The following RASA3 variants were observed in gnomAD, a reference collection of about 807,000 sequenced individuals.
RASA3 encodes ras GTPase-activating protein 3.
RASA3 carries 73 observed loss-of-function variants against 110.0 expected under a neutral mutation model. That is an observed-to-expected ratio of 0.66 (90% confidence interval 0.55 to 0.81). The LOEUF is 0.81. Among genes scored for constraint, RASA3 ranks in the 30% least tolerant of loss-of-function variants. The pLI is 0.00. For missense variants in RASA3, 976 were observed against 1,113.2 expected (o/e 0.88, Z 1.75); for synonymous variants, 500 against 451.4 (o/e 1.11, Z -1.37).
intron 5 of RASA3, among the ~76,000 whole-genome samples, 167 bp downstream of exon 5, chr13:114,029,644 C>T (rs865947033): frequency 1.2e-3 from 109 of 92,704 alleles, no homozygotes; most frequent in South Asian, 1.2e-3. Context: ...GGCCAGGACC[C>T]CTAAAACAGC....
At chr13:114,027,583 T>A (rs914136581) in intron 6 of RASA3, 122 bp from the exon 7 acceptor site, 2 of 823,496 alleles carry the variant, frequency 2.4e-6, no homozygotes, top group Non-Finnish European at 3.9e-6. Flanking sequence ...TTATAAATAT[T>A]TCTGCTGGTC....
chr13:114,052,828 C>G (rs9590536), intron 2 of RASA3, among the ~76,000 whole-genome samples: 5,044 of 118,710 alleles, frequency 0.042, 213 homozygotes, highest in Non-Finnish European at 0.06. Context: ...GGGAGAAATC[C>G]CCACTGCTGA....
Position 113,999,642 on chromosome 13 carries a change from G to A in RASA3, c.1875C>T (p.Pro625=), listed in dbSNP as rs780826523. The A allele has an allele frequency of 1.9e-6, 3 of 1,613,178 alleles. No individual in the cohort carries two copies. Among genetic ancestry groups the A allele is most frequent in the African/African-American group, 2.7e-5 (2 of 74,614 alleles). Residue 625 remains proline (P), a synonymous_variant, in exon 20 of 24, where the codon CCC becomes CCT. Transcript: ENST00000334062. Reference sequence around the variant, plus strand: ...TCTCCACTGCCAGGATGTTCTCGATGGGAATGCTGTAGAGAGGCTGGTCCC... The same window carrying A: ...TCTCCACTGCCAGGATGTTCTCGATAGGAATGCTGTAGAGAGGCTGGTCCC... The part of the protein sequence containing the change: ...SKGDQPLYSI[P]IENILAVEKL...
intron 2 of RASA3, among the ~76,000 whole-genome samples, chr13:114,064,892 G>C (rs1247897605): frequency 6.6e-6 from 1 of 152,216 alleles, no homozygotes; most frequent in Admixed American, 6.5e-5. Context: ...CGGCCTGAGA[G>C]GACCAGGCTC....
In RASA3 at chr13:114,015,273, G is replaced by A. The variant is rs770440191; in HGVS notation, c.1341C>T (p.Ser447=). 2 of 1,613,208 alleles carry A rather than the reference G, an allele frequency of 1.2e-6. No homozygotes were observed. The highest frequency in any genetic ancestry group is 2.2e-5 in the South Asian group (2 of 91,086). The change falls in exon 14 of 24, where the codon AGC becomes AGT. Residue 447 remains serine (S), a synonymous_variant. Transcript: ENST00000334062. ...VFHAITESGV[S]CPTVMCDIFF... The stretch of plus-strand genomic sequence containing the variant: ...AGATGTCACACATGACGGTCGGGCA[G>A]CTCACCCCAGACTCAGTGATGGCGT...
intron 21 of RASA3, among the ~76,000 whole-genome samples, chr13:113,995,764 C>T (rs181020878): frequency 0.02 from 393 of 19,528 alleles, 56 homozygotes; most frequent in African/African-American, 0.065. Flanking sequence ...GACGGGGGCC[C>T]GGCTGACGGG....
intron 1 of RASA3, among the ~76,000 whole-genome samples, chr13:114,127,304 G>C (rs933619259): frequency 1.3e-5 from 2 of 152,174 alleles, no homozygotes; most frequent in African/African-American, 2.4e-5. Flanking sequence ...TCCACACTCT[G>C]CCCACCAGTC....
chr13:114,091,505 C>T (rs1170462273), intron 1 of RASA3, among the ~76,000 whole-genome samples: 15 of 150,046 alleles, frequency 1.0e-4, no homozygotes, highest in Admixed American at 5.4e-4. Flanking sequence ...TCCATGTGAC[C>T]GATCACATTT....
chr13:113,999,519 G>T, intron 20 of RASA3, 66 bp downstream of exon 20: 1 of 1,325,314 alleles, frequency 7.5e-7, no homozygotes, highest in Non-Finnish European at 1.1e-6. Context: ...CCAGGTACGG[G>T]AAGAGAGCAG....
At chr13:114,075,951 G>C (rs1478058078) in intron 1 of RASA3, among the ~76,000 whole-genome samples, 3 of 112,752 alleles carry the variant, frequency 2.7e-5, no homozygotes, top group Admixed American at 9.0e-5. Flanking sequence ...TCGGCGCCGC[G>C]TATCTCTGGG....
At chr13:114,066,655 G>A (rs929092173) in intron 2 of RASA3, among the ~76,000 whole-genome samples, 16 of 152,356 alleles carry the variant, frequency 1.1e-4, no homozygotes, top group African/African-American at 3.8e-4. Flanking sequence ...GCAACCTCAT[G>A]CTCTCCGCCG....
chr13:114,042,778 G>C (rs548899944), intron 3 of RASA3, among the ~76,000 whole-genome samples: 9 of 152,324 alleles, frequency 5.9e-5, no homozygotes, highest in African/African-American at 2.2e-4. Context: ...CACATGCTTG[G>C]GCCTGATTCT....
At chr13:114,108,516 CAT>C (rs2080172317) in intron 1 of RASA3, 1 of 147,500 alleles carries the variant, frequency 6.8e-6, no homozygotes, top group Non-Finnish European at 1.5e-5. Context: ...TCCATCACCC[CAT>C]GTCCATCACC....
chr13:114,064,519 G>A (rs149084497), intron 2 of RASA3, among the ~76,000 whole-genome samples: 238 of 152,282 alleles, frequency 1.6e-3, no homozygotes, highest in East Asian at 4.7e-3. Context: ...CATGGTGGGG[G>A]CACCCATTTT....
Position 114,114,002 on chromosome 13 carries a change from C to A in RASA3, c.55+18433G>T, listed in dbSNP as rs2080248114. Reference sequence around the variant, plus strand: ...GCGAGTGATGTCCGTACAGCTCACACCGCGTCCATCAGTCCACCCACCATG... The same window carrying A: ...GCGAGTGATGTCCGTACAGCTCACAACGCGTCCATCAGTCCACCCACCATG... On this transcript the variant is annotated intron_variant, in intron 1 of 23. Transcript: ENST00000334062. This position sits in a 1 kb window ranked among gnomAD's most constrained non-coding sequence, Gnocchi z 4.8. Among the ~76,000 whole-genome samples the A allele has an allele frequency of 6.8e-6, 1 of 147,900 alleles. No individual in the cohort carries two copies. Among genetic ancestry groups the A allele is most frequent in the Non-Finnish European group, 1.5e-5 (1 of 67,104 alleles).
intron 1 of RASA3, among the ~76,000 whole-genome samples, chr13:114,106,851 G>A (rs1352239339): frequency 1.3e-5 from 2 of 152,214 alleles, no homozygotes; most frequent in Non-Finnish European, 2.9e-5. Context: ...AGAAAGCTCT[G>A]CGTATGTTTA....
In RASA3 at chr13:114,087,601, C is replaced by T. The variant is rs577396461; in HGVS notation, c.56-13764G>A. Among the ~76,000 whole-genome samples the T allele has an allele frequency of 1.8e-3, 271 of 152,340 alleles. 1 individual carries two copies. Among genetic ancestry groups the T allele is most frequent in the African/African-American group, 4.1e-3 (171 of 41,584 alleles). On this transcript the variant is annotated intron_variant, in intron 1 of 23. Transcript: ENST00000334062. ...GGCCTGCGCCTCTGGAGGGAGGGCC[C>T]CGGGCAGTGCCAGCAGGAACGAGCC...
rs2053959299 is a variant in RASA3, at chr13:114,023,093, AC to A, written c.680+1185del. ...TCCCAGCAGCCGTAGGGCCTGAGCC[AC>A]GCACCGGCTCCACGTGTCCCATTAA... On this transcript the variant is annotated intron_variant, in intron 8 of 23. Transcript: ENST00000334062. Among the ~76,000 whole-genome samples the A allele has an allele frequency of 1.3e-5, 2 of 152,256 alleles. 1 individual carries two copies. The highest frequency in any genetic ancestry group is 4.1e-4 in the South Asian group (2 of 4,836).
At chr13:114,038,364 C>T (rs2054321844) in intron 4 of RASA3, among the ~76,000 whole-genome samples, 1 of 152,264 alleles carries the variant, frequency 6.6e-6, no homozygotes, top group African/African-American at 2.4e-5. Flanking sequence ...GGCCCTTGTG[C>T]TCCGGGGATG....
Sources: gnomAD v4.1 joint callset for allele counts (sites outside exome capture counted in the v4.1 genomes callset) on GRCh38, gnomAD v4.1.1 for gene constraint, Gnocchi (gnomAD v3.1) non-coding constraint, MANE v1.5 for transcripts, NCBI Gene and HGNC (gene_info 2026-07-23, HGNC 2026-07-21) for gene names.